ODAD4: variants seen among roughly 807,000 people sequenced by gnomAD.
The protein encoded by ODAD4 is outer dynein arm-docking complex subunit 4.
Under a neutral mutation model 51.8 loss-of-function variants are expected in ODAD4, and 49 were observed. That is an observed-to-expected ratio of 0.95 (90% CI 0.75 to 1.20). The LOEUF (loss-of-function observed/expected upper bound fraction) is 1.20, where lower values mean the gene tolerates loss of function less well. ODAD4 is among the 50% of genes most tolerant of loss of function. ODAD4 has a pLI of 0.00. For synonymous variants in ODAD4, 235 were observed against 221.3 expected (o/e 1.06, Z -0.55); for missense variants, 590 against 586.5 (o/e 1.01, Z -0.06).
chr17:41,939,554 G>C (rs577518178), intron 7 of ODAD4, among the ~76,000 whole-genome samples: 2 of 152,296 alleles, frequency 1.3e-5, no homozygotes, highest in South Asian at 4.2e-4. Context: ...AGCAAAAAGG[G>C]ACATAGCTAA....
rs2050625577 is a variant in ODAD4, at chr17:41,949,335, T to C, written c.1328T>C (p.Val443Ala). 5.0e-6 allele frequency: 2 copies of C among 398,682 alleles called. No homozygotes were observed. Among genetic ancestry groups the C allele is most frequent in the East Asian group, 7.1e-5 (2 of 28,074 alleles). 24.7% of individuals were successfully genotyped at this position (398,682 alleles called of 1,614,324 possible). The change falls in exon 9 of 12, where the codon GTG becomes GCG. Residue 443 changes from valine to alanine, a missense_variant. Val to Ala is a moderately conservative substitution (Grantham distance 64). Around this residue, in one of 3 missense-constraint regions of ODAD4, gnomAD observed 226 missense variants for 162.7 expected, o/e 1.39. Transcript: ENST00000377540. The part of the protein sequence containing the change: ...IEWQLNASVL[V>A]AQAQVKLRDF... Reference sequence around the variant, plus strand: ...TGGCAACTGAATGCCAGTGTTCTGGTGGCCCAGGCACAAGGTATGGGCTCA... The same window carrying C: ...TGGCAACTGAATGCCAGTGTTCTGGCGGCCCAGGCACAAGGTATGGGCTCA...
intron 1 of ODAD4, among the ~76,000 whole-genome samples, chr17:41,933,769 G>A (rs1329792488): frequency 2.6e-5 from 4 of 151,624 alleles, no homozygotes; most frequent in African/African-American, 7.3e-5. Flanking sequence ...AGCAGAGATC[G>A]TGCCACTGCA....
intron 11 of ODAD4, 54 bp from the exon 12 acceptor site, chr17:41,964,939 G>A (rs1192398179): frequency 2.0e-5 from 13 of 651,044 alleles, no homozygotes; most frequent in Middle Eastern, 2.6e-4. Context: ...CACCGCACCC[G>A]GCCTGACATG....
rs146281841 is a variant in ODAD4 at position 41,936,549 on chromosome 17, T to C, written c.459+15T>C. 2.4e-5 allele frequency: 39 copies of C among 1,609,548 alleles called. No individual in the cohort carries two copies. The highest frequency in any genetic ancestry group is 2.3e-4 in the South Asian group (21 of 90,928). On this transcript the variant is annotated intron_variant, in intron 4 of 11. Coordinates refer to ENST00000377540, the MANE Select transcript of ODAD4 (RefSeq NM_031421.5). ...AGCAGGCTGAGGTAAGGGCCCTGGT[T>C]CTGTGGTTGTATCCCTCCAAGGGAA...
intron 7 of ODAD4, 49 bp downstream of exon 7, chr17:41,939,221 C>T (rs2050473428): frequency 6.5e-7 from 1 of 1,540,554 alleles, no homozygotes; most frequent in Non-Finnish European, 8.8e-7. Context: ...GAGAAGGACA[C>T]CTGGGGCTAT....
At chr17:41,930,881 C>CTT (rs782820445) in intron 1 of ODAD4, 44 bp downstream of exon 1, 26,958 of 95,758 alleles carry the variant, frequency 0.28, 8,740 homozygotes, top group Non-Finnish European at 0.32. Context: ...TCACCCGTCA[C>CTT]TTTTTTTTTT....
At chr17:41,962,953 C>T (rs2050825114) in intron 11 of ODAD4, among the ~76,000 whole-genome samples, 1 of 152,220 alleles carries the variant, frequency 6.6e-6, no homozygotes, top group Non-Finnish European at 1.5e-5. Context: ...TATTATCCAG[C>T]ACCTGCTCTG....
intron 7 of ODAD4, among the ~76,000 whole-genome samples, chr17:41,939,379 A>G (rs2050475585): frequency 6.6e-6 from 1 of 152,220 alleles, no homozygotes; most frequent in Non-Finnish European, 1.5e-5. Context: ...CCAAAAGGGT[A>G]GTGGCTCAAA....
chr17:41,951,534 G>A (rs182337467), intron 9 of ODAD4, among the ~76,000 whole-genome samples: 51 of 146,266 alleles, frequency 3.5e-4, no homozygotes, highest in Admixed American at 2.7e-3. Flanking sequence ...CCGCCTCCCG[G>A]GGTCAAGTGG....
At position 41,938,786 on chromosome 17, in the gene ODAD4, G is replaced by A. The variant is rs565356124; in HGVS notation, c.850+5G>A. ...GCCTGGAGGACATTGATATGTGTAG[G>A]TGTTGTTCTCAGAGGGTGGGGCAGG... On this transcript the variant is annotated splice_donor_5th_base_variant and intron_variant, in intron 6 of 11. Transcript: ENST00000377540. 3 of 1,612,122 alleles carry A rather than the reference G, an allele frequency of 1.9e-6. No individual in the cohort carries two copies. The African/African-American group carries it at 4.0e-5, about 21-fold the overall frequency.
At chr17:41,953,653 T>TTATATATA (rs139916074) in intron 9 of ODAD4, among the ~76,000 whole-genome samples, 2 of 148,722 alleles carry the variant, frequency 1.3e-5, no homozygotes, top group South Asian at 2.1e-4. Context: ...ATTAATTTAA[T>TTATATATA]TATATATATA....
chr17:41,942,232 G>A (rs868926939), intron 7 of ODAD4, among the ~76,000 whole-genome samples: 75 of 152,048 alleles, frequency 4.9e-4, no homozygotes, highest in African/African-American at 1.6e-3. Context: ...CACCATGCCC[G>A]GGCTATTAGT....
In ODAD4 at chr17:41,949,288, C is replaced by T. The variant is rs1254798886; in HGVS notation, c.1281C>T (p.Ala427=). 2.0e-5 allele frequency: 8 copies of T among 398,462 alleles called. No individual in the cohort carries two copies. Among genetic ancestry groups the T allele is most frequent in the African/African-American group, 1.6e-4 (8 of 48,588 alleles). 24.7% of individuals were successfully genotyped at this position (398,462 alleles called of 1,614,324 possible). A position where few individuals can be genotyped will look rare whatever the true frequency, so the allele number is the denominator to read the frequency against. ...QNYGEKSQQC[A]EEEGDIEWQL... is the part of the protein sequence containing the mutation. ...ATGGCGAGAAGTCCCAGCAGTGTGC[C>T]GAGGAGGAAGGGGACATTGAGTGGC... Residue 427 remains alanine, a synonymous_variant, in exon 9 of 12, where the codon GCC becomes GCT. Coordinates refer to ENST00000377540, the MANE Select transcript of ODAD4 (RefSeq NM_031421.5).
intron 8 of ODAD4, among the ~76,000 whole-genome samples, chr17:41,948,037 G>A (rs1042391301): frequency 6.6e-6 from 1 of 151,996 alleles, no homozygotes; most frequent in Non-Finnish European, 1.5e-5. Flanking sequence ...AGAATCACTT[G>A]AACCCGGGAG....
chr17:41,955,139 C>G (rs782587468), intron 9 of ODAD4, 78 bp from the exon 10 acceptor site: 1 of 725,948 alleles, frequency 1.4e-6, no homozygotes, highest in Non-Finnish European at 2.6e-6. Flanking sequence ...TGGCAGTGCT[C>G]GAGTAGCCAG....
intron 10 of ODAD4, 70 bp downstream of exon 10, chr17:41,955,387 C>T (rs1304418832): frequency 1.9e-5 from 13 of 702,348 alleles, no homozygotes; most frequent in Non-Finnish European, 3.4e-5. Flanking sequence ...TCAGTTCCCC[C>T]TCAGCCTGCT....
chr17:41,952,365 CAAAAA>C (rs140105127), intron 9 of ODAD4, among the ~76,000 whole-genome samples: 1 of 87,238 alleles, frequency 1.1e-5, no homozygotes, highest in Non-Finnish European at 2.1e-5. Context: ...GACTCTGTAT[CAAAAA>C]AAAAAAAAAA....
chr17:41,941,049 C>T (rs2050498185), intron 7 of ODAD4, among the ~76,000 whole-genome samples: 1 of 152,218 alleles, frequency 6.6e-6, no homozygotes, highest in Admixed American at 6.5e-5. Context: ...TCAAGTTGGT[C>T]TGGATGACAG....
At chr17:41,936,365 C>A in intron 3 of ODAD4, 108 bp from the exon 4 acceptor site, 1 of 786,616 alleles carries the variant, frequency 1.3e-6, no homozygotes, top group Non-Finnish European at 2.2e-6. Flanking sequence ...AGCTTTGCCA[C>A]AGCCTCCACC....
Sources: allele counts gnomAD v4.1 joint callset (sites outside exome capture counted in the v4.1 genomes callset), GRCh38; gene constraint gnomAD v4.1.1; regional missense constraint gnomAD v4.1.1; transcripts MANE v1.5; gene names NCBI Gene and HGNC (gene_info 2026-07-23, HGNC 2026-07-21).